MAP3K7: variants seen among roughly 807,000 people sequenced by gnomAD.
The protein encoded by MAP3K7 is mitogen-activated protein kinase kinase kinase 7, also known as TGF-beta activated kinase 1.
MAP3K7 carries 21 observed loss-of-function variants against 84.8 expected under a neutral mutation model. The observed-to-expected ratio is 0.25, with a 90% CI of 0.18 to 0.36. The LOEUF (loss-of-function observed/expected upper bound fraction) is 0.36. MAP3K7 is among the 10% of genes least tolerant of loss of function. The pLI is 1.00. For synonymous variants in MAP3K7, 241 were observed against 247.7 expected, an observed-to-expected ratio of 0.97 and a Z score of 0.25; for missense variants, 503 against 747.7, an observed-to-expected ratio of 0.67 and a Z score of 3.82.
chr6:90,520,340 ATCT>A (rs1280252944), intron 14 of MAP3K7, among the ~76,000 whole-genome samples: 1 of 151,940 alleles, frequency 6.6e-6, no homozygotes, highest in East Asian at 1.9e-4. Context: ...TGGCTCAGTA[ATCT>A]TCTAATTTAT....
chr6:90,586,413 C>T (rs938013979), intron 1 of MAP3K7, among the ~76,000 whole-genome samples: 31 of 151,406 alleles, frequency 2.0e-4, no homozygotes, highest in Admixed American at 1.1e-3. Context: ...ACATTACGTC[C>T]AGCGGACTGA....
chr6:90,518,634 C>A, intron 15 of MAP3K7, 72 bp from the exon 16 acceptor site: 1 of 777,532 alleles, frequency 1.3e-6, no homozygotes, highest in Non-Finnish European at 2.2e-6. Context: ...AGAGTCAAGA[C>A]AGAGACTGTG....
In MAP3K7 at chr6:90,586,789, T is replaced by C. The variant is rs779720104; in HGVS notation, c.95A>G (p.Asp32Gly). 1.9e-5 allele frequency: 31 copies of C among 1,607,612 alleles called. No homozygotes were observed. The highest frequency in any genetic ancestry group is 8.4e-5 in the Admixed American group (5 of 59,268). Residue 32 changes from aspartate (D) to glycine (G), a missense_variant, in exon 1 of 17, where the codon GAC becomes GGC. By Grantham distance (94) the Asp-to-Gly change is moderately conservative. This residue lies in a region of MAP3K7 where 41 missense variants were observed against 41.4 expected (regional missense o/e 0.99). Transcript: ENST00000369329. ...CTCTTCCACCTCGATCTCCTTGTAG[T>C]CGATCTCTTCAAAGTTGAGGACCTG... ...PSQVLNFEEI[D>G]YKEIEVEEVV...
intron 13 of MAP3K7, among the ~76,000 whole-genome samples, chr6:90,534,479 GCCATATCAAACTCTCCCTCAC>G (rs1273619756): frequency 2.1e-4 from 32 of 152,178 alleles, no homozygotes; most frequent in African/African-American, 3.1e-4. Flanking sequence ...AGGTTTTACT[GCCATATCAAACTCTCCCTCAC>G]CCATATCAAA....
chr6:90,568,707 A>G, intron 2 of MAP3K7, 84 bp from the exon 3 acceptor site: 1 of 955,076 alleles, frequency 1.0e-6, no homozygotes, highest in African/African-American at 1.6e-5. Context: ...TTACTGTTGT[A>G]CAAAACATTT....
intron 13 of MAP3K7, among the ~76,000 whole-genome samples, chr6:90,535,755 G>A (rs1179157482): frequency 6.6e-6 from 1 of 152,094 alleles, no homozygotes; most frequent in Non-Finnish European, 1.5e-5. Context: ...GGAGAGTTTA[G>A]AGGAGGATCC....
chr6:90,518,638 G>A, intron 15 of MAP3K7, 76 bp from the exon 16 acceptor site: 1 of 759,508 alleles, frequency 1.3e-6, no homozygotes. Flanking sequence ...TCAAGACAGA[G>A]ACTGTGATAT....
At chr6:90,546,658 A>ACCAGT in intron 11 of MAP3K7, among the ~76,000 whole-genome samples, 1 of 152,316 alleles carries the variant, frequency 6.6e-6, no homozygotes, top group East Asian at 1.9e-4. Flanking sequence ...TTTTGTGCTG[A>ACCAGT]CCAGTTCTTC....
chr6:90,586,365 C>T (rs1424337368), intron 1 of MAP3K7, among the ~76,000 whole-genome samples: 1 of 110,746 alleles, frequency 9.0e-6, no homozygotes, highest in Non-Finnish European at 1.7e-5. Context: ...GGCGACAGAG[C>T]GAGACTCCGT....
chr6:90,523,870 G>C (rs1389690331), intron 13 of MAP3K7, 87 bp from the exon 14 acceptor site: 1 of 749,236 alleles, frequency 1.3e-6, no homozygotes. Context: ...GGCAAGAAGA[G>C]ACTTAGAGAT....
In MAP3K7 at chr6:90,546,958, CA is replaced by C. The variant is rs34765234; in HGVS notation, c.1210+299del. 0.036 allele frequency among the ~76,000 whole-genome samples: 5,533 copies of C among 152,188 alleles called. 120 individuals carry two copies. Among genetic ancestry groups the C allele is most frequent in the African/African-American group, 0.054 (2,241 of 41,534 alleles). ...AAATATTCTGGTTTTGGCAGAATTT[CA>C]ATTTCTCACTTAGACTTTCAACTCA... On this transcript the variant is annotated intron_variant, in intron 11 of 16. Coordinates refer to ENST00000369329, the MANE Select transcript of MAP3K7 (RefSeq NM_145331.3).
intron 1 of MAP3K7, among the ~76,000 whole-genome samples, chr6:90,573,259 T>C (rs1030959707): frequency 5.9e-5 from 9 of 152,164 alleles, no homozygotes; most frequent in Admixed American, 3.3e-4. Context: ...TGTCGGGAAG[T>C]AGAAGTTAGT....
At chr6:90,516,836 C>T (rs188713382) in intron 16 of MAP3K7, among the ~76,000 whole-genome samples, 155 bp from the exon 17 acceptor site, 2 of 152,072 alleles carry the variant, frequency 1.3e-5, no homozygotes, top group East Asian at 3.9e-4. Context: ...TGGGATGGAA[C>T]TCTCATCTAC....
chr6:90,527,604 A>C (rs1775363191), intron 13 of MAP3K7, among the ~76,000 whole-genome samples: 1 of 152,068 alleles, frequency 6.6e-6, no homozygotes, highest in Non-Finnish European at 1.5e-5. Context: ...GGTATTTATG[A>C]TATCTGGAAA....
At chr6:90,582,498 A>T (rs1013132240) in intron 1 of MAP3K7, among the ~76,000 whole-genome samples, 1 of 152,188 alleles carries the variant, frequency 6.6e-6, no homozygotes, top group Non-Finnish European at 1.5e-5. Flanking sequence ...AGAAATGACA[A>T]AAGATCTAGG....
intron 8 of MAP3K7, 161 bp downstream of exon 8, chr6:90,551,888 T>A: frequency 2.9e-6 from 2 of 700,558 alleles, no homozygotes; most frequent in Non-Finnish European, 4.2e-6. Flanking sequence ...TCTCGAAATG[T>A]TTCCTCTTCT....
At chr6:90,584,693 T>C (rs1777384520) in intron 1 of MAP3K7, among the ~76,000 whole-genome samples, 4 of 152,164 alleles carry the variant, frequency 2.6e-5, no homozygotes, top group Non-Finnish European at 2.9e-5. Context: ...AAAACTAAGG[T>C]TGTAAGAACC....
intron 1 of MAP3K7, among the ~76,000 whole-genome samples, chr6:90,583,894 G>C (rs1777359858): frequency 6.6e-6 from 1 of 152,180 alleles, no homozygotes. Flanking sequence ...AGATTTCTGA[G>C]GCTGAGACCT....
intron 6 of MAP3K7, among the ~76,000 whole-genome samples, chr6:90,554,438 C>G (rs1385733651): frequency 6.6e-6 from 1 of 152,126 alleles, no homozygotes; most frequent in Non-Finnish European, 1.5e-5. Flanking sequence ...TTGAATCAGC[C>G]AGCACAATAA....
Sources: gnomAD v4.1 joint callset for allele counts (sites outside exome capture counted in the v4.1 genomes callset) on GRCh38, gnomAD v4.1.1 for gene constraint, gnomAD v4.1.1 regional missense constraint, MANE v1.5 for transcripts, NCBI Gene and HGNC (gene_info 2026-07-23, HGNC 2026-07-21) for gene names.